The following ATXN3 variants were observed in gnomAD, a reference collection of about 807,000 sequenced individuals.
The protein encoded by ATXN3 is ataxin 3.
Under a neutral mutation model 58.2 loss-of-function variants are expected in ATXN3, and 28 were observed. That is an observed-to-expected ratio of 0.48 (90% CI 0.36 to 0.66). The LOEUF (loss-of-function observed/expected upper bound fraction) is 0.66, where lower values mean the gene tolerates loss of function less well. Among genes scored for constraint, ATXN3 ranks in the 30% least tolerant of loss-of-function variants. The pLI is 0.00. For missense variants in ATXN3, 321 were observed against 422.1 expected, an observed-to-expected ratio of 0.76 and a Z score of 2.10; for synonymous variants, 113 against 138.5, an observed-to-expected ratio of 0.82 and a Z score of 1.29.
intron 1 of ATXN3, among the ~76,000 whole-genome samples, chr14:92,102,819 T>C (rs540961318): frequency 6.6e-6 from 1 of 152,288 alleles, no homozygotes; most frequent in South Asian, 2.1e-4. Flanking sequence ...AAGGCAGAGC[T>C]GAGACTCAAA....
chr14:92,086,749 TAA>T (rs914192216), intron 6 of ATXN3, among the ~76,000 whole-genome samples: 3 of 151,578 alleles, frequency 2.0e-5, no homozygotes, highest in East Asian at 1.9e-4. Flanking sequence ...TTCATGGAAT[TAA>T]GAGAGGATTT....
chr14:92,101,029 A>G (rs2066647728), intron 1 of ATXN3, among the ~76,000 whole-genome samples: 1 of 139,666 alleles, frequency 7.2e-6, no homozygotes, highest in South Asian at 2.2e-4. Flanking sequence ...TTCTCTCTAT[A>G]AAAAATAGCT....
At chr14:92,096,428 A>G in intron 2 of ATXN3, 1 of 863,006 alleles carries the variant, frequency 1.2e-6, no homozygotes, top group Non-Finnish European at 1.7e-6. Flanking sequence ...TTTGAGACCA[A>G]CCTGACCAAC....
chr14:92,082,257 A>C, intron 8 of ATXN3, 43 bp downstream of exon 8: 3 of 1,555,902 alleles, frequency 1.9e-6, no homozygotes, highest in Non-Finnish European at 2.6e-6. Context: ...AATTGGAATC[A>C]ATTCTTCAGC....
In ATXN3 at chr14:92,063,065, A is replaced by C. The variant is rs1264378513; in HGVS notation, c.*1255T>G. ...TGACCCAGCAAGAAACTCTCTGTAC[A>C]TCTCAATTAAAGAGAATATTTATCA... On this transcript the variant is annotated 3_prime_UTR_variant, in exon 11 of 11. Coordinates refer to ENST00000644486, the MANE Select transcript of ATXN3 (RefSeq NM_004993.6). The C allele has an allele frequency of 6.5e-6, 1 of 152,678 alleles. No individual in the cohort carries two copies. The highest frequency in any genetic ancestry group is 1.9e-4 in the East Asian group (1 of 5,202). The allele number at this position is 152,678 out of a possible 1,614,324, so 9.5% of individuals were successfully genotyped here. A position where few individuals can be genotyped will look rare whatever the true frequency, so the allele number is the denominator to read the frequency against.
At chr14:92,098,615 A>G (rs1191296233) in intron 1 of ATXN3, among the ~76,000 whole-genome samples, 2 of 152,122 alleles carry the variant, frequency 1.3e-5, no homozygotes, top group Non-Finnish European at 2.9e-5. Context: ...AAATCTCCAC[A>G]CAATCTAAAT....
At position 92,060,536 on chromosome 14, in the gene ATXN3, G is replaced by C. The variant is rs1317604745; in HGVS notation, c.*3784C>G. 6.6e-6 allele frequency: 1 copy of C among 152,084 alleles called. No homozygotes were observed. Among genetic ancestry groups the C allele is most frequent in the Non-Finnish European group, 1.5e-5 (1 of 68,030 alleles). The allele number at this position is 152,084 out of a possible 1,614,324, so 9.4% of individuals were successfully genotyped here. On this transcript the variant is annotated 3_prime_UTR_variant, in exon 11 of 11. Transcript: ENST00000644486. ...AGCCTCCAGAACTGCTGGGATTACA[G>C]GCGTGAGCCACTGCACCCAGCCGGG...
intron 10 of ATXN3, among the ~76,000 whole-genome samples, chr14:92,070,590 A>C (rs2059248740): frequency 6.6e-6 from 1 of 152,102 alleles, no homozygotes; most frequent in Admixed American, 6.6e-5. Context: ...AAAAAAGAAA[A>C]ATATCCATGA....
rs932361851 is a variant in ATXN3 at position 92,063,129 on chromosome 14, T to G, written c.*1191A>C. 2.3e-4 allele frequency: 35 copies of G among 152,686 alleles called. No individual in the cohort carries two copies. 9.5% of individuals were successfully genotyped at this position (152,686 alleles called of 1,614,324 possible). ...TCTTATTTATAGATCCACTAAGTAC[T>G]GTGACTTCCATTGTTCTTAAGCTAT... On this transcript the variant is annotated 3_prime_UTR_variant, in exon 11 of 11. Coordinates refer to ENST00000644486, the MANE Select transcript of ATXN3 (RefSeq NM_004993.6).
chr14:92,049,182 A>C (rs1489651765), intron 1 of ATXN3, among the ~76,000 whole-genome samples: 1 of 152,148 alleles, frequency 6.6e-6, no homozygotes, highest in Non-Finnish European at 1.5e-5. Flanking sequence ...ACACAGGCTA[A>C]GGGAGTAGAA....
At chr14:92,101,633 T>C (rs1185137344) in intron 1 of ATXN3, among the ~76,000 whole-genome samples, 1 of 151,158 alleles carries the variant, frequency 6.6e-6, no homozygotes, top group Non-Finnish European at 1.5e-5. Context: ...CAAGGCAGGT[T>C]GATCACTTGA....
chr14:92,077,270 C>A (rs1200103677), intron 9 of ATXN3, among the ~76,000 whole-genome samples: 1 of 151,928 alleles, frequency 6.6e-6, no homozygotes, highest in Non-Finnish European at 1.5e-5. Context: ...ACAACACTTA[C>A]AAGGTAAGTG....
chr14:92,057,020 C>T (rs2057473298), downstream of ATXN3, among the ~76,000 whole-genome samples: 1 of 152,212 alleles, frequency 6.6e-6, no homozygotes, highest in African/African-American at 2.4e-5. Context: ...CTCACTGCTA[C>T]ACTCCCATTG....
chr14:92,052,353 G>T (rs1280098865), upstream of ATXN3, among the ~76,000 whole-genome samples: 3 of 151,832 alleles, frequency 2.0e-5, no homozygotes, highest in African/African-American at 4.8e-5. Flanking sequence ...AATTAGCTGG[G>T]TGTGGTGGCC....
At chr14:92,103,675 C>G (rs1035187594) in intron 1 of ATXN3, among the ~76,000 whole-genome samples, 1 of 152,204 alleles carries the variant, frequency 6.6e-6, no homozygotes, top group East Asian at 1.9e-4. Flanking sequence ...CTGTGCCAGG[C>G]CCTCTCTCAG....
intron 6 of ATXN3, among the ~76,000 whole-genome samples, chr14:92,084,768 C>G (rs1413934291): frequency 6.6e-6 from 1 of 152,002 alleles, no homozygotes; most frequent in South Asian, 2.1e-4. Context: ...TTAGGAGAGG[C>G]AGGGTTTCAC....
upstream of ATXN3, among the ~76,000 whole-genome samples, chr14:92,052,202 T>G (rs1023782299): frequency 9.9e-5 from 15 of 152,218 alleles, no homozygotes; most frequent in East Asian, 1.7e-3. Context: ...AAAAAAAATG[T>G]TCGCATCTCT....
intron 9 of ATXN3, among the ~76,000 whole-genome samples, chr14:92,075,156 GTTTTTTTTTT>G (rs376552690): frequency 0.32 from 35,813 of 112,282 alleles, 4,723 homozygotes; most frequent in East Asian, 0.49. Context: ...GTAATAGGGA[GTTTTTTTTTT>G]TTTTTTTTTT....
Position 92,081,024 on chromosome 14 carries a change from T to C in ATXN3, c.813A>G (p.Thr271=), listed in dbSNP as rs1487275704. The C allele has an allele frequency of 1.2e-6, 2 of 1,612,552 alleles. No individual in the cohort carries two copies. Among genetic ancestry groups the C allele is most frequent in the Admixed American group, 1.7e-5 (1 of 60,002 alleles). Residue 271 remains threonine, a synonymous_variant, in exon 9 of 11, where the codon ACA becomes ACG. Coordinates refer to ENST00000644486, the MANE Select transcript of ATXN3 (RefSeq NM_004993.6). ...SRNISQDMTQ[T]SGTNLTSEEL... ...CTTCTGAAGTAAGATTTGTACCTGA[T>C]GTCTGTGTCATATCTTGAGATATGT...
Sources: allele counts gnomAD v4.1 joint callset (sites outside exome capture counted in the v4.1 genomes callset), GRCh38; gene constraint gnomAD v4.1.1; transcripts MANE v1.5; gene names NCBI Gene and HGNC (gene_info 2026-07-23, HGNC 2026-07-21).